The following CEP76 variants were observed in gnomAD, a reference collection of about 807,000 sequenced individuals.
CEP76 encodes the protein centrosomal protein 76.
A neutral mutation model predicts 83.3 loss-of-function variants in CEP76; 55 were observed. The observed-to-expected ratio is 0.66, with a 90% CI of 0.53 to 0.83. The LOEUF (loss-of-function observed/expected upper bound fraction) is 0.83, where lower values mean the gene tolerates loss of function less well. Among genes scored for constraint, CEP76 ranks in the 40% least tolerant of loss-of-function variants. The probability of loss-of-function intolerance (pLI) is 0.00; values close to 1 mark genes in which losing one functional copy is unlikely to be tolerated. For missense variants in CEP76, 694 were observed against 799.5 expected (o/e 0.87, Z 1.59); for synonymous variants, 270 against 274.5 (o/e 0.98, Z 0.16).
intron 7 of CEP76, among the ~76,000 whole-genome samples, chr18:12,688,814 A>G (rs1253053947): frequency 6.6e-6 from 1 of 152,154 alleles, no homozygotes; most frequent in Non-Finnish European, 1.5e-5. Context: ...GAACATTTCC[A>G]TCATTGCAAA....
At position 12,678,699 on chromosome 18, in the gene CEP76, T is replaced by C. The variant is rs114904587; in HGVS notation, c.1290-257A>G. Reference sequence around the variant, plus strand: ...TGTTAAGATCAAAGGCCGGATGCGGTAGTCCCAGCACTTTGGGAGGCCGAG... The same window carrying C: ...TGTTAAGATCAAAGGCCGGATGCGGCAGTCCCAGCACTTTGGGAGGCCGAG... On this transcript the variant is annotated intron_variant, in intron 9 of 11. Transcript: ENST00000262127. 8.9e-3 allele frequency among the ~76,000 whole-genome samples: 1,348 copies of C among 152,250 alleles called. 28 individuals carry two copies. Among genetic ancestry groups the C allele is most frequent in the African/African-American group, 0.03 (1,240 of 41,540 alleles).
rs771934165 is a variant in CEP76, at chr18:12,699,136, A to G, written c.363T>C (p.His121=). 2.5e-6 allele frequency: 4 copies of G among 1,614,020 alleles called. No homozygotes were observed. In the African/African-American group the frequency reaches 5.3e-5, roughly 22 times the overall value. The change falls in exon 4 of 12, where the codon CAT becomes CAC. Residue 121 remains histidine (H), a synonymous_variant. Coordinates refer to ENST00000262127, the MANE Select transcript of CEP76 (RefSeq NM_024899.4). ...CAGGTAAAGGCTCAGGTTCTTGCAG[A>G]TGTTCCAAGAAAGCTTTTCCACCCA... ...QVLGGKAFLE[H]LQEPEPLPGQ... is the part of the protein sequence containing the mutation.
At chr18:12,662,127 TC>T (rs1221214355) in exon 13 of CEP76, 1 of 450,390 alleles carries the variant, frequency 2.2e-6, no homozygotes, top group Admixed American at 2.4e-5. Context: ...CCCAAGCTTT[TC>T]CCAGACACTT....
chr18:12,694,312 A>G (rs955296912), intron 6 of CEP76, among the ~76,000 whole-genome samples: 6 of 152,224 alleles, frequency 3.9e-5, no homozygotes, highest in Non-Finnish European at 1.5e-5. Flanking sequence ...AAGGAACAAT[A>G]TGACAGGCAG....
intron 10 of CEP76, among the ~76,000 whole-genome samples, chr18:12,677,440 G>A (rs962989176): frequency 5.2e-5 from 6 of 115,062 alleles, no homozygotes; most frequent in Non-Finnish European, 9.8e-5. Context: ...CTGGGTGACA[G>A]AGCGAGAGAT....
At chr18:12,698,905 T>C in intron 4 of CEP76, 74 bp downstream of exon 4, 1 of 1,092,438 alleles carries the variant, frequency 9.2e-7, no homozygotes, top group Non-Finnish European at 1.3e-6. Context: ...ACAGAAAAAG[T>C]CATTATTATT....
chr18:12,680,612 A>C (rs755324150), intron 9 of CEP76, 50 bp downstream of exon 9: 58 of 1,408,822 alleles, frequency 4.1e-5, no homozygotes, highest in Non-Finnish European at 5.0e-5. Flanking sequence ...AAAAAAAAAA[A>C]AAAAACTTAT....
intron 7 of CEP76, among the ~76,000 whole-genome samples, chr18:12,686,951 A>T (rs2039561057): frequency 6.6e-6 from 1 of 152,222 alleles, no homozygotes. Context: ...ATAATTTGTT[A>T]ACCAAGTCAA....
downstream of CEP76, among the ~76,000 whole-genome samples, chr18:12,670,007 GAAAAGAAAAAGA>G (rs1217929363): frequency 4.1e-5 from 6 of 145,050 alleles, no homozygotes; most frequent in Admixed American, 3.4e-4. Context: ...AAAAAAAAAA[GAAAAGAAAAAGA>G]AAAAGAAAAA....
chr18:12,700,034 T>C (rs1398707189), intron 2 of CEP76, 129 bp from the exon 3 acceptor site: 1 of 472,080 alleles, frequency 2.1e-6, no homozygotes, highest in Non-Finnish European at 3.8e-6. Flanking sequence ...AACCCCTTAT[T>C]TTCCTAGCCT....
At chr18:12,702,284 A>G in intron 1 of CEP76, 1 of 549,742 alleles carries the variant, frequency 1.8e-6, no homozygotes, top group Non-Finnish European at 3.2e-6. Flanking sequence ...TCTTGCTAGC[A>G]CCTGCTCGGC....
At chr18:12,693,966 G>T (rs1013582437) in intron 6 of CEP76, among the ~76,000 whole-genome samples, 1 of 151,940 alleles carries the variant, frequency 6.6e-6, no homozygotes, top group African/African-American at 2.4e-5. Flanking sequence ...CAAGCAGCTG[G>T]GACTACAAGT....
intron 8 of CEP76, among the ~76,000 whole-genome samples, 194 bp from the exon 9 acceptor site, chr18:12,681,022 A>G (rs899614077): frequency 1.3e-5 from 2 of 152,040 alleles, no homozygotes; most frequent in Non-Finnish European, 2.9e-5. Flanking sequence ...AACATAAGGA[A>G]ACTCTGTCTC....
At chr18:12,689,414 A>G (rs1039474330) in intron 7 of CEP76, among the ~76,000 whole-genome samples, 4 of 152,202 alleles carry the variant, frequency 2.6e-5, no homozygotes, top group African/African-American at 9.6e-5. Flanking sequence ...GCCATGACTG[A>G]GTTGCTGTTT....
rs772660362 is a variant in CEP76, at chr18:12,699,150, C to T, written c.349G>A (p.Ala117Thr). 10 of 1,613,960 alleles carry T rather than the reference C, an allele frequency of 6.2e-6. No individual in the cohort carries two copies. The South Asian group carries it at 9.9e-5, about 16-fold the overall frequency. Residue 117 changes from alanine to threonine, a missense_variant, in exon 4 of 12, where the codon GCT (alanine) becomes ACT (threonine). By Grantham distance (58) the Ala-to-Thr change is moderately conservative. Transcript: ENST00000262127. ...GGTTCTTGCAGATGTTCCAAGAAAG[C>T]TTTTCCACCCAAAACCTGAAGGTAA... ...YLYLQVLGGK[A>T]FLEHLQEPEP...
chr18:12,682,064 AT>A (rs1167209011), intron 8 of CEP76, among the ~76,000 whole-genome samples: 1 of 152,196 alleles, frequency 6.6e-6, no homozygotes, highest in Non-Finnish European at 1.5e-5. Flanking sequence ...TTACCAAGAT[AT>A]TAAACACTAT....
Position 12,678,216 on chromosome 18 carries a change from T to G in CEP76, c.1516A>C (p.Thr506Pro). Residue 506 changes from threonine (T) to proline (P), a missense_variant, in exon 10 of 12, where the codon ACA (threonine) becomes CCA (proline). Physicochemically the swap from Thr to Pro is conservative, Grantham distance 38. Transcript: ENST00000262127. ...IKSVCAPGAT[T>P]SLPPFPPLCA... ...AGAGGTGGAAAGGGAGGAAGGGATG[T>G]TGTAGCTCCAGGAGCACACACAGAT... is the stretch of plus-strand genomic sequence containing the variant. 1 of 1,614,176 alleles carries G rather than the reference T, an allele frequency of 6.2e-7. No homozygotes were observed.
At chr18:12,693,824 A>G (rs1014248611) in intron 6 of CEP76, among the ~76,000 whole-genome samples, 1 of 152,108 alleles carries the variant, frequency 6.6e-6, no homozygotes, top group Non-Finnish European at 1.5e-5. Context: ...CACATAATGT[A>G]TATGTGTGTA....
At chr18:12,672,234 C>T (rs2038967163), downstream of CEP76, among the ~76,000 whole-genome samples, 1 of 151,630 alleles carries the variant, frequency 6.6e-6, no homozygotes, top group Non-Finnish European at 1.5e-5. Context: ...CCTGCCTCAG[C>T]CTCCTGAGTA....
Sources: gnomAD v4.1 joint callset for allele counts (sites outside exome capture counted in the v4.1 genomes callset) on GRCh38, gnomAD v4.1.1 for gene constraint, MANE v1.5 for transcripts, NCBI Gene and HGNC (gene_info 2026-07-23, HGNC 2026-07-21) for gene names.